The following MAP3K4 variants were observed in gnomAD, a reference collection of about 807,000 sequenced individuals.
MAP3K4 encodes mitogen-activated protein kinase kinase kinase 4.
In MAP3K4, 67 loss-of-function variants were observed where a neutral mutation model predicts 185.6. The ratio of observed to expected loss-of-function variants is 0.36; its 90% CI spans 0.30 to 0.44. The LOEUF is 0.44. MAP3K4 is among the 20% of genes least tolerant of loss of function. The pLI is 1.00. For synonymous variants in MAP3K4, 702 were observed against 710.4 expected, an observed-to-expected ratio of 0.99 and a Z score of 0.19; for missense variants, 1,551 against 1,995.1, an observed-to-expected ratio of 0.78 and a Z score of 4.24.
chr6:161,057,558 A>C (rs1316126540), intron 3 of MAP3K4, among the ~76,000 whole-genome samples: 1 of 152,230 alleles, frequency 6.6e-6, no homozygotes, highest in Non-Finnish European at 1.5e-5. Flanking sequence ...AGGACAAGTC[A>C]GAATCTCCCA....
rs1294908356 is a variant in MAP3K4, at chr6:161,088,960, A to G, written c.2824-362A>G. ...AGGCCCCTCATCTTATTTCTGTCTTATTCCTACATTTTCCTTCTTCATATG... is the reference window on the plus strand; with the variant it reads ...AGGCCCCTCATCTTATTTCTGTCTTGTTCCTACATTTTCCTTCTTCATATG... On this transcript the variant is annotated intron_variant, in intron 10 of 26. Coordinates refer to ENST00000392142, the MANE Select transcript of MAP3K4 (RefSeq NM_005922.4). The surrounding 1 kb of genome is among the most constrained non-coding windows in gnomAD (Gnocchi z 4.5). 6.6e-6 allele frequency among the ~76,000 whole-genome samples: 1 copy of G among 152,138 alleles called. No individual in the cohort carries two copies. The highest frequency in any genetic ancestry group is 1.5e-5 in the Non-Finnish European group (1 of 68,018).
chr6:161,092,622 C>A (rs1034669821), intron 13 of MAP3K4, among the ~76,000 whole-genome samples: 1 of 146,112 alleles, frequency 6.8e-6, no homozygotes, highest in African/African-American at 2.8e-5. Context: ...TAAGCAATTT[C>A]TCCAAGTTAG....
At chr6:161,111,805 G>T (rs369022733) in intron 23 of MAP3K4, 31 bp from the exon 24 acceptor site, 1 of 1,588,418 alleles carries the variant, frequency 6.3e-7, no homozygotes, top group African/African-American at 1.5e-5. Flanking sequence ...TGTTTCAGAG[G>T]CTGCGTAACA....
Position 161,034,347 on chromosome 6 carries a change from T to G in MAP3K4, c.241T>G (p.Tyr81Asp). Residue 81 changes from tyrosine to aspartate, a missense_variant, in exon 2 of 27, where the codon TAT becomes GAT. Around this residue, in one of 16 missense-constraint regions of MAP3K4, gnomAD observed 287 missense variants for 268.8 expected, o/e 1.07. Coordinates refer to ENST00000392142, the MANE Select transcript of MAP3K4 (RefSeq NM_005922.4). The surrounding 1 kb of genome is among the most constrained non-coding windows in gnomAD (Gnocchi z 4.4). ...CGATGAAACAAATACAGAGAATCTT[T>G]ATGGTACCTCTCCCCCCAGCACACC... The part of the protein sequence containing the change: ...FSDETNTENL[Y>D]GTSPPSTPRQ... 1.2e-6 allele frequency: 2 copies of G among 1,613,942 alleles called. No homozygotes were observed. Among genetic ancestry groups the G allele is most frequent in the Non-Finnish European group, 1.7e-6 (2 of 1,179,890 alleles).
chr6:161,078,203 G>A (rs1785269325), intron 5 of MAP3K4, among the ~76,000 whole-genome samples: 1 of 152,174 alleles, frequency 6.6e-6, no homozygotes, highest in South Asian at 2.1e-4. Flanking sequence ...GCTAAGTAGA[G>A]ATAGAAATAT....
Position 161,053,866 on chromosome 6 carries a change from T to A in MAP3K4, c.1707+3887T>A, listed in dbSNP as rs1405188249. 2.0e-5 allele frequency among the ~76,000 whole-genome samples: 3 copies of A among 152,202 alleles called. No homozygotes were observed. The highest frequency in any genetic ancestry group is 2.0e-4 in the Admixed American group (3 of 15,278). On this transcript the variant is annotated intron_variant, in intron 3 of 26. Coordinates refer to ENST00000392142, the MANE Select transcript of MAP3K4 (RefSeq NM_005922.4). The surrounding 1 kb of genome is among the most constrained non-coding windows in gnomAD (Gnocchi z 4.2). ...GCCTCCGCCTCCCAAAGTGCTGGGATTACAGGCGTGAGCCACTGCGCCTGG... is the reference window on the plus strand; with the variant it reads ...GCCTCCGCCTCCCAAAGTGCTGGGAATACAGGCGTGAGCCACTGCGCCTGG...
chr6:161,086,919 AGTT>A lies in MAP3K4; in HGVS notation c.2556+253_2556+255del, dbSNP rs1785747986. On this transcript the variant is annotated intron_variant, in intron 9 of 26. Transcript: ENST00000392142. This position sits in a 1 kb window ranked among gnomAD's most constrained non-coding sequence, Gnocchi z 4.8. ...GTTTACTCATGCTGTTTATTAATTT[AGTT>A]ACACATATTTAAAATAATGTGTATA... 6.6e-6 allele frequency among the ~76,000 whole-genome samples: 1 copy of A among 152,228 alleles called. No homozygotes were observed. Among genetic ancestry groups the A allele is most frequent in the African/African-American group, 2.4e-5 (1 of 41,464 alleles).
chr6:161,101,677 G>C lies in MAP3K4; in HGVS notation c.3675-215G>C. ...CACAGCAGCGCTGTTCACTTAGGGG[G>C]CTGATTCTGGTGGGTCTGTCCTGTG... On this transcript the variant is annotated intron_variant, in intron 17 of 26. Coordinates refer to ENST00000392142, the MANE Select transcript of MAP3K4 (RefSeq NM_005922.4). The surrounding 1 kb of genome is among the most constrained non-coding windows in gnomAD (Gnocchi z 5.1). 3 of 486,496 alleles carry C rather than the reference G, an allele frequency of 6.2e-6. No individual in the cohort carries two copies. The South Asian group carries it at 7.6e-5, about 12-fold the overall frequency. 30.1% of individuals were successfully genotyped at this position (486,496 alleles called of 1,614,324 possible).
chr6:161,052,901 T>G (rs1444317287), intron 3 of MAP3K4, among the ~76,000 whole-genome samples: 1 of 152,106 alleles, frequency 6.6e-6, no homozygotes, highest in Non-Finnish European at 1.5e-5. Context: ...ACGTTGTGGA[T>G]AGGAATCTTT....
intron 6 of MAP3K4, among the ~76,000 whole-genome samples, chr6:161,081,835 C>A (rs1257719056): frequency 6.6e-6 from 1 of 152,208 alleles, no homozygotes; most frequent in African/African-American, 2.4e-5. Flanking sequence ...TCCCACTTGT[C>A]TCATCAGGCA....
intron 3 of MAP3K4, among the ~76,000 whole-genome samples, chr6:161,058,867 A>C (rs1784364873): frequency 6.6e-6 from 1 of 152,082 alleles, no homozygotes; most frequent in East Asian, 1.9e-4. Context: ...TCTTGATGGA[A>C]ATGTAATTTT....
At chr6:161,079,092 T>C (rs1785316461) in intron 5 of MAP3K4, among the ~76,000 whole-genome samples, 1 of 151,060 alleles carries the variant, frequency 6.6e-6, no homozygotes, top group South Asian at 2.1e-4. Context: ...TGTACACATG[T>C]AGTCCCAGCT....
intron 17 of MAP3K4, among the ~76,000 whole-genome samples, chr6:161,099,482 TAAC>T (rs1777731746): frequency 6.6e-6 from 1 of 152,216 alleles, no homozygotes; most frequent in Non-Finnish European, 1.5e-5. Flanking sequence ...CTAAAAAAAT[TAAC>T]AACATTGAAC....
At position 161,098,528 on chromosome 6, in the gene MAP3K4, T is replaced by C; in HGVS notation, c.3674+101T>C. ...TGTGTGCCGGCTGTGGTTGGGCTTC[T>C]TTGCTGTGGCGTGTGAGTGATGCTC... On this transcript the variant is annotated intron_variant, in intron 17 of 26. Transcript: ENST00000392142. This position sits in a 1 kb window ranked among gnomAD's most constrained non-coding sequence, Gnocchi z 4.4. 7.1e-7 allele frequency: 1 copy of C among 1,413,384 alleles called. No individual in the cohort carries two copies. The highest frequency in any genetic ancestry group is 2.2e-5 in the Admixed American group (1 of 44,892). The allele number at this position is 1,413,384 out of a possible 1,614,324, so 87.6% of individuals were successfully genotyped here. A position where few individuals can be genotyped will look rare whatever the true frequency, so the allele number is the denominator to read the frequency against.
chr6:161,084,566 G>A lies in MAP3K4; in HGVS notation c.2321G>A (p.Cys774Tyr). ...TTAGAATTTGGCTTACAGGAGAGCTGTGCTGAATTTTGGACTAGTGCGGAT... is the reference window on the plus strand; with the variant it reads ...TTAGAATTTGGCTTACAGGAGAGCTATGCTGAATTTTGGACTAGTGCGGAT... ...SFLEFGLQESCAEFWTSADDS... is the reference protein window; with the variant it reads ...SFLEFGLQESYAEFWTSADDS... The change falls in exon 7 of 27, where the codon TGT (cysteine) becomes TAT (tyrosine). Residue 774 changes from cysteine to tyrosine, a missense_variant. By Grantham distance (194) the Cys-to-Tyr change is radical. Transcript: ENST00000392142. This position sits in a 1 kb window ranked among gnomAD's most constrained non-coding sequence, Gnocchi z 4.6. 1 of 1,613,382 alleles carries A rather than the reference G, an allele frequency of 6.2e-7. No individual in the cohort carries two copies. The highest frequency in any genetic ancestry group is 8.5e-7 in the Non-Finnish European group (1 of 1,179,338).
In MAP3K4 at chr6:161,008,452, C is replaced by T; in HGVS notation, c.152+16369C>T. ...CCATTTTATTCTTTACAGAATTTTA[C>T]ATACCGAGTTTTACGTATAATGGGA... On this transcript the variant is annotated intron_variant, in intron 1 of 26. Coordinates refer to ENST00000392142, the MANE Select transcript of MAP3K4 (RefSeq NM_005922.4). The surrounding 1 kb of genome is among the most constrained non-coding windows in gnomAD (Gnocchi z 4.1). Among the ~76,000 whole-genome samples, 1 of 152,090 alleles carries T rather than the reference C, an allele frequency of 6.6e-6. No homozygotes were observed.
intron 15 of MAP3K4, among the ~76,000 whole-genome samples, chr6:161,094,130 TC>T (rs1562535744): frequency 6.6e-6 from 1 of 152,150 alleles, no homozygotes; most frequent in East Asian, 1.9e-4. Context: ...CATTCTTTTT[TC>T]CCCCTTACCA....
chr6:161,033,073 G>A (rs9355330), intron 1 of MAP3K4, among the ~76,000 whole-genome samples: 138,404 of 152,226 alleles, frequency 0.91, 63,084 homozygotes, highest in East Asian at 0.99. Flanking sequence ...ATCTAATTCA[G>A]TAATAATGGG....
chr6:161,115,569 GT>G lies in MAP3K4; in HGVS notation c.4806+270del, dbSNP rs2114928289. On this transcript the variant is annotated intron_variant, in intron 26 of 26. Coordinates refer to ENST00000392142, the MANE Select transcript of MAP3K4 (RefSeq NM_005922.4). This position sits in a 1 kb window ranked among gnomAD's most constrained non-coding sequence, Gnocchi z 6.0. ...CTTTTAGATGGGACTGGATGAAAGA[GT>G]TTCCACTCTTGAGAGTGTATAGTCT... Among the ~76,000 whole-genome samples the G allele has an allele frequency of 1.3e-5, 2 of 152,308 alleles. No homozygotes were observed. Among genetic ancestry groups the G allele is most frequent in the East Asian group, 3.9e-4 (2 of 5,186 alleles).
Sources: gnomAD v4.1 joint callset for allele counts (sites outside exome capture counted in the v4.1 genomes callset) on GRCh38, gnomAD v4.1.1 for gene constraint, gnomAD v4.1.1 regional missense constraint, Gnocchi (gnomAD v3.1) non-coding constraint, MANE v1.5 for transcripts, NCBI Gene and HGNC (gene_info 2026-07-23, HGNC 2026-07-21) for gene names.